CACNA1S: variants seen among roughly 807,000 people sequenced by gnomAD.
CACNA1S encodes calcium voltage-gated channel subunit alpha1 S.
CACNA1S carries 126 observed loss-of-function variants against 207.4 expected under a neutral mutation model. The observed-to-expected ratio is 0.61, with a 90% CI of 0.53 to 0.70. CACNA1S has a LOEUF of 0.70. Among genes scored for constraint, CACNA1S ranks in the 30% least tolerant of loss-of-function variants. The pLI, the probability that CACNA1S is intolerant of heterozygous loss-of-function variation, is 0.00. For missense variants in CACNA1S, 2,349 were observed against 2,422.8 expected (o/e 0.97, Z 0.64); for synonymous variants, 960 against 932.7 (o/e 1.03, Z -0.53).
In CACNA1S at chr1:201,072,761, A is replaced by G; in HGVS notation, c.2221T>C (p.Phe741Leu). 2 of 1,613,036 alleles carry G rather than the reference A, an allele frequency of 1.2e-6. No homozygotes were observed. Among genetic ancestry groups the G allele is most frequent in the Non-Finnish European group, 1.7e-6 (2 of 1,179,032 alleles). The change falls in exon 16 of 44, where the codon TTC (phenylalanine) becomes CTC (leucine). Residue 741 changes from phenylalanine (F) to leucine (L), a missense_variant. Physicochemically the swap from Phe to Leu is conservative, Grantham distance 22 (BLOSUM62 0). Coordinates refer to ENST00000362061, the MANE Select transcript of CACNA1S (RefSeq NM_000069.3). Reference protein sequence around the residue: ...EVKDPYPSADFPGDDEEDEPE... With the variant: ...EVKDPYPSADLPGDDEEDEPE... ...CAGTCTCCAGCATCCTCACCTGGGA[A>G]GTCGGCTGAGGGGTAGGGATCCTTC...
At position 201,044,365 on chromosome 1, in the gene CACNA1S, G is replaced by T. The variant is rs749495704; in HGVS notation, c.4760C>A (p.Ala1587Asp). Residue 1587 changes from alanine to aspartate, a missense_variant, in exon 39 of 44, where the codon GCC becomes GAC. Ala to Asp is a moderately radical substitution (Grantham distance 126, BLOSUM62 -2). Transcript: ENST00000362061. ...DLAAEEELER[A>D]MVEAAMEEGI... ...CTCCTCCATCGCAGCCTCCACCATGGCTCTCTCCAGCTCCTCCTCAGCAGC... is the reference window on the plus strand; with the variant it reads ...CTCCTCCATCGCAGCCTCCACCATGTCTCTCTCCAGCTCCTCCTCAGCAGC... 5.0e-6 allele frequency: 8 copies of T among 1,613,386 alleles called. No homozygotes were observed. The Admixed American group carries it at 1.3e-4, about 27-fold the overall frequency.
At chr1:201,078,517 CA>C (rs10581578) in intron 10 of CACNA1S, among the ~76,000 whole-genome samples, 3,206 of 121,602 alleles carry the variant, frequency 0.026, 90 homozygotes, top group African/African-American at 0.087. Flanking sequence ...AAATTAGCTT[CA>C]AAAAAAAAAA....
chr1:201,106,149 C>A (rs1662874364), intron 2 of CACNA1S, among the ~76,000 whole-genome samples: 2 of 151,986 alleles, frequency 1.3e-5, no homozygotes, highest in African/African-American at 4.8e-5. Flanking sequence ...GTCATCCTCC[C>A]CCTCCCCCAC....
Position 201,069,588 on chromosome 1 carries a change from A to T in CACNA1S, c.2374T>A (p.Cys792Ser). 6.4e-7 allele frequency: 1 copy of T among 1,557,046 alleles called. No individual in the cohort carries two copies. The highest frequency in any genetic ancestry group is 1.2e-5 in the South Asian group (1 of 84,428). The part of the protein sequence containing the change: ...FSPTNKIRVL[C>S]HRIVNATWFT... Reference sequence around the variant, plus strand: ...CAGGTGGCATTGACGATGCGGTGACACAGGACACGGATCCTGGTGGGGCGA... The same window carrying T: ...CAGGTGGCATTGACGATGCGGTGACTCAGGACACGGATCCTGGTGGGGCGA... The change falls in exon 18 of 44, where the codon TGT becomes AGT. Residue 792 changes from cysteine to serine, a missense_variant. Coordinates refer to ENST00000362061, the MANE Select transcript of CACNA1S (RefSeq NM_000069.3).
intron 40 of CACNA1S, 55 bp downstream of exon 40, chr1:201,043,226 C>T (rs2102547081): frequency 1.2e-6 from 2 of 1,612,352 alleles, no homozygotes; most frequent in Middle Eastern, 3.3e-4. Flanking sequence ...CTGGAACCTG[C>T]TGACATTGTC....
chr1:201,092,205 G>A (rs1428743213), intron 3 of CACNA1S, 91 bp from the exon 4 acceptor site: 1 of 1,478,366 alleles, frequency 6.8e-7, no homozygotes, highest in Admixed American at 1.7e-5. Flanking sequence ...CCATGCTTGA[G>A]CACCTGTGGA....
chr1:201,090,182 G>A (rs897411479), intron 5 of CACNA1S, among the ~76,000 whole-genome samples: 1 of 152,298 alleles, frequency 6.6e-6, no homozygotes, highest in Non-Finnish European at 1.5e-5. Flanking sequence ...GAAAGGAGAG[G>A]ACATTGATGG....
chr1:201,042,970 C>T (rs989521104), intron 40 of CACNA1S: 8 of 371,390 alleles, frequency 2.2e-5, no homozygotes, highest in African/African-American at 1.2e-4. Flanking sequence ...GTGCTACCAC[C>T]GAAGATCCTC....
At position 201,075,394 on chromosome 1, in the gene CACNA1S, GC is replaced by G. The variant is rs1433225112; in HGVS notation, c.1948+100del. On this transcript the variant is annotated intron_variant, in intron 13 of 43. Transcript: ENST00000362061. Reference sequence around the variant, plus strand: ...CTGGGAGCTCCCCTCCAGCCAGAGGGCCTGGCTACCTAGAAACTGGACACCC... The same window carrying G: ...CTGGGAGCTCCCCTCCAGCCAGAGGGCTGGCTACCTAGAAACTGGACACCC... The G allele has an allele frequency of 2.8e-6, 4 of 1,429,932 alleles. No individual in the cohort carries two copies. In the South Asian group the frequency reaches 4.8e-5, roughly 17 times the overall value. The allele number at this position is 1,429,932 out of a possible 1,614,324, so 88.6% of individuals were successfully genotyped here. A position where few individuals can be genotyped will look rare whatever the true frequency, so the allele number is the denominator to read the frequency against.
At chr1:201,052,716 G>C in intron 31 of CACNA1S, 68 bp from the exon 32 acceptor site, 1 of 1,248,314 alleles carries the variant, frequency 8.0e-7, no homozygotes, top group East Asian at 2.3e-5. Context: ...ATCCCCCACT[G>C]CCTTCTCCTG....
rs772189079 is a variant in CACNA1S, at chr1:201,062,453, C to A, written c.2906+9G>T. 1 of 1,613,810 alleles carries A rather than the reference C, an allele frequency of 6.2e-7. No individual in the cohort carries two copies. Among genetic ancestry groups the A allele is most frequent in the Non-Finnish European group, 8.5e-7 (1 of 1,179,794 alleles). ...GTGACCGTCCCACTGTGCTCCCTGC[C>A]CCATGTACCTGCACTCCTCCTCTGT... On this transcript the variant is annotated intron_variant, in intron 23 of 43. Transcript: ENST00000362061.
At chr1:201,096,932 C>T (rs1017191679) in intron 2 of CACNA1S, among the ~76,000 whole-genome samples, 2 of 152,130 alleles carry the variant, frequency 1.3e-5, no homozygotes, top group South Asian at 2.1e-4. Context: ...GGCTTGGCTT[C>T]GACCCACCTC....
chr1:201,061,500 G>A, intron 24 of CACNA1S, 32 bp from the exon 25 acceptor site: 3 of 1,600,170 alleles, frequency 1.9e-6, no homozygotes, highest in Non-Finnish European at 2.6e-6. Flanking sequence ...AGGACAGACT[G>A]GGTGGGGTGA....
chr1:201,102,651 A>T (rs1229691814), intron 2 of CACNA1S, among the ~76,000 whole-genome samples: 2 of 152,088 alleles, frequency 1.3e-5, no homozygotes, highest in Non-Finnish European at 2.9e-5. Flanking sequence ...TAAGGTAGGT[A>T]CTCTTATCCC....
At chr1:201,110,348 G>T in intron 1 of CACNA1S, 79 bp from the exon 2 acceptor site, 1 of 1,214,410 alleles carries the variant, frequency 8.2e-7, no homozygotes, top group Non-Finnish European at 1.2e-6. Context: ...CTGAGGGTCA[G>T]TCTGGACTGT....
rs138145248 is a variant in CACNA1S, at chr1:201,088,278, C to G, written c.901-349G>C. On this transcript the variant is annotated intron_variant, in intron 6 of 43. Transcript: ENST00000362061. ...TGATTTATTTAAAGCCAAGATTTTT[C>G]AAATGAACAACGTCTGTGACCCCGG... is the stretch of plus-strand genomic sequence containing the variant. Among the ~76,000 whole-genome samples, 357 of 152,304 alleles carry G rather than the reference C, an allele frequency of 2.3e-3. 5 individuals carry two copies. Among genetic ancestry groups the G allele is most frequent in the East Asian group, 8.3e-3 (43 of 5,190 alleles).
chr1:201,082,181 A>G (rs921883985), intron 10 of CACNA1S, among the ~76,000 whole-genome samples: 1 of 151,980 alleles, frequency 6.6e-6, no homozygotes, highest in Non-Finnish European at 1.5e-5. Context: ...GGTGCATGCC[A>G]CCACGCCCAG....
chr1:201,092,073 C>T lies in CACNA1S; in HGVS notation c.440G>A (p.Ser147Asn), dbSNP rs1298805612. The T allele has an allele frequency of 1.9e-6, 3 of 1,614,044 alleles. No individual in the cohort carries two copies. Among genetic ancestry groups the T allele is most frequent in the Non-Finnish European group, 2.5e-6 (3 of 1,180,010 alleles). ...TTTGCTGCTCATTGGGGCTGTGTGG[C>T]TTTGGATGACGTTAACCTGTTCCAG... ...VILEQVNVIQ[S>N]HTAPMSSKGA... The change falls in exon 4 of 44, where the codon AGC (serine) becomes AAC (asparagine). Residue 147 changes from serine to asparagine, a missense_variant. Coordinates refer to ENST00000362061, the MANE Select transcript of CACNA1S (RefSeq NM_000069.3).
chr1:201,042,354 T>G (rs1319760659), intron 40 of CACNA1S, among the ~76,000 whole-genome samples: 1 of 152,154 alleles, frequency 6.6e-6, no homozygotes, highest in Non-Finnish European at 1.5e-5. Context: ...GCCAGGCAGG[T>G]CTCGAACTCC....
Sources: allele counts gnomAD v4.1 joint callset (sites outside exome capture counted in the v4.1 genomes callset), GRCh38; gene constraint gnomAD v4.1.1; transcripts MANE v1.5; gene names NCBI Gene and HGNC (gene_info 2026-07-23, HGNC 2026-07-21).